DSCAML1: variants seen among roughly 807,000 people sequenced by gnomAD.
DSCAML1 encodes the protein DS cell adhesion molecule like 1.
In DSCAML1, 38 loss-of-function variants were observed where a neutral mutation model predicts 200.5. The observed-to-expected ratio is 0.19, with a 90% CI of 0.15 to 0.25. The LOEUF (loss-of-function observed/expected upper bound fraction) is 0.25. Among genes scored for constraint, DSCAML1 ranks in the 10% least tolerant of loss-of-function variants. The pLI is 1.00. For missense variants in DSCAML1, 2,223 were observed against 2,858.8 expected, an observed-to-expected ratio of 0.78 and a Z score of 5.07; for synonymous variants, 1,215 against 1,165.0, an observed-to-expected ratio of 1.04 and a Z score of -0.87.
chr11:117,619,376 G>A (rs2051879137), intron 3 of DSCAML1, among the ~76,000 whole-genome samples: 1 of 152,258 alleles, frequency 6.6e-6, no homozygotes, highest in African/African-American at 2.4e-5. Context: ...GGTCAGGAGG[G>A]CCTGGCCTCA....
intron 3 of DSCAML1, among the ~76,000 whole-genome samples, chr11:117,546,517 C>T (rs1318942312): frequency 6.6e-6 from 1 of 152,188 alleles, no homozygotes; most frequent in Non-Finnish European, 1.5e-5. Context: ...CCATTCCCAC[C>T]AACTCCTAAC....
chr11:117,477,656 C>T (rs958928369), intron 14 of DSCAML1, among the ~76,000 whole-genome samples: 2 of 152,152 alleles, frequency 1.3e-5, no homozygotes, highest in Non-Finnish European at 2.9e-5. Flanking sequence ...GCTCTAGCCC[C>T]GTGCTATCAT....
chr11:117,590,569 G>A (rs1177790757), intron 3 of DSCAML1, among the ~76,000 whole-genome samples: 1 of 152,164 alleles, frequency 6.6e-6, no homozygotes, highest in African/African-American at 2.4e-5. Flanking sequence ...CCTTCCAGGG[G>A]TCTGCAATAC....
chr11:117,540,412 C>T (rs1478548677), intron 3 of DSCAML1, among the ~76,000 whole-genome samples: 2 of 152,140 alleles, frequency 1.3e-5, no homozygotes, highest in African/African-American at 2.4e-5. Context: ...ACCCCTGTCC[C>T]GTGGAAATAT....
intron 3 of DSCAML1, among the ~76,000 whole-genome samples, chr11:117,673,792 T>G (rs2053157925): frequency 6.6e-6 from 1 of 152,230 alleles, no homozygotes; most frequent in African/African-American, 2.4e-5. Context: ...ACAATCAGCC[T>G]TTATTAACTA....
chr11:117,495,805 A>G (rs2049279133), intron 11 of DSCAML1, among the ~76,000 whole-genome samples: 1 of 152,114 alleles, frequency 6.6e-6, no homozygotes, highest in Admixed American at 6.5e-5. Context: ...TGTCCCATTC[A>G]TCAAAGCCTG....
intron 3 of DSCAML1, among the ~76,000 whole-genome samples, chr11:117,675,204 G>T (rs549861592): frequency 1.1e-4 from 17 of 152,314 alleles, no homozygotes; most frequent in Non-Finnish European, 2.1e-4. Context: ...TCTACTCAGG[G>T]ATAGTCTATT....
rs2048640076 is a variant in DSCAML1 at position 117,469,262 on chromosome 11, G to A, written c.3024+648C>T. Among the ~76,000 whole-genome samples the A allele has an allele frequency of 2.0e-5, 3 of 152,200 alleles. No individual in the cohort carries two copies. The highest frequency in any genetic ancestry group is 2.0e-4 in the Admixed American group (3 of 15,288). ...ACTGGAGGATGCAGTGAGACAGGAA[G>A]CCCCTGGATTGCCAGCCCTTCTATG... On this transcript the variant is annotated intron_variant, in intron 16 of 32. Coordinates refer to ENST00000651296, the MANE Select transcript of DSCAML1 (RefSeq NM_020693.4). This position sits in a 1 kb window ranked among gnomAD's most constrained non-coding sequence, Gnocchi z 4.1.
At chr11:117,672,137 G>A (rs183935902) in intron 3 of DSCAML1, among the ~76,000 whole-genome samples, 1 of 139,036 alleles carries the variant, frequency 7.2e-6, no homozygotes, top group African/African-American at 2.9e-5. Flanking sequence ...GAAACCTTGG[G>A]CCTCATCCAG....
rs756480140 is a variant in DSCAML1 at position 117,438,863 on chromosome 11, C to T, written c.4243+22G>A. 30 of 1,533,836 alleles carry T rather than the reference C, an allele frequency of 2.0e-5. No individual in the cohort carries two copies. In the East Asian group the frequency reaches 4.2e-4, roughly 22 times the overall value. ...CCAGAATTCCTTCCCCTATCTTCCC[C>T]CGCATCCAGACCCCTCCTCACCTCG... On this transcript the variant is annotated intron_variant, in intron 24 of 32. Coordinates refer to ENST00000651296, the MANE Select transcript of DSCAML1 (RefSeq NM_020693.4).
In DSCAML1 at chr11:117,776,783, C is replaced by T. The variant is rs753747393; in HGVS notation, c.511+8G>A. 9 of 1,613,998 alleles carry T rather than the reference C, an allele frequency of 5.6e-6. No individual in the cohort carries two copies. Among genetic ancestry groups the T allele is most frequent in the South Asian group, 4.4e-5 (4 of 91,072 alleles). ...CTCTGTCTGCCGCAGCCCCGGGACG[C>T]TTCTTACCTGGGATGATGGAGACTG... On this transcript the variant is annotated splice_region_variant and intron_variant, in intron 3 of 32. Coordinates refer to ENST00000651296, the MANE Select transcript of DSCAML1 (RefSeq NM_020693.4).
At chr11:117,771,750 G>A (rs577380543) in intron 3 of DSCAML1, among the ~76,000 whole-genome samples, 2 of 152,204 alleles carry the variant, frequency 1.3e-5, no homozygotes, top group African/African-American at 4.8e-5. Context: ...TATAAAATGA[G>A]AAAATAAAAA....
intron 3 of DSCAML1, among the ~76,000 whole-genome samples, chr11:117,764,995 T>A (rs1252791066): frequency 2.0e-5 from 3 of 152,220 alleles, no homozygotes; most frequent in Admixed American, 1.3e-4. Flanking sequence ...CCTTCTCCCA[T>A]TCCGTTGTCT....
intron 20 of DSCAML1, among the ~76,000 whole-genome samples, chr11:117,449,950 C>A (rs1278286835): frequency 6.6e-6 from 1 of 152,202 alleles, no homozygotes; most frequent in Non-Finnish European, 1.5e-5. Context: ...GGGCGGCTAG[C>A]CCCTTGCCCT....
chr11:117,572,682 G>A (rs927612644), intron 3 of DSCAML1, among the ~76,000 whole-genome samples: 2 of 152,202 alleles, frequency 1.3e-5, no homozygotes, highest in African/African-American at 2.4e-5. Flanking sequence ...GCGGGGATAT[G>A]CTATGCAAAG....
chr11:117,523,409 G>C (rs968416285), intron 5 of DSCAML1, among the ~76,000 whole-genome samples: 2 of 152,192 alleles, frequency 1.3e-5, no homozygotes, highest in African/African-American at 4.8e-5. Context: ...TGTCTGCTCT[G>C]CTGTCCAGGG....
At chr11:117,441,498 A>G (rs571054253) in intron 21 of DSCAML1, among the ~76,000 whole-genome samples, 1 of 151,418 alleles carries the variant, frequency 6.6e-6, no homozygotes, top group South Asian at 2.1e-4. Flanking sequence ...GTGGCGGAGG[A>G]CTGGGTCAGC....
At chr11:117,477,657 G>A (rs949161690) in intron 14 of DSCAML1, among the ~76,000 whole-genome samples, 1 of 152,168 alleles carries the variant, frequency 6.6e-6, no homozygotes, top group Non-Finnish European at 1.5e-5. Context: ...CTCTAGCCCC[G>A]TGCTATCATA....
chr11:117,810,416 C>A (rs2055751542), intron 1 of DSCAML1, among the ~76,000 whole-genome samples: 2 of 152,120 alleles, frequency 1.3e-5, no homozygotes, highest in African/African-American at 2.4e-5. Context: ...TATTTCCGCA[C>A]CCCGACCTCT....
Sources: allele counts gnomAD v4.1 joint callset (sites outside exome capture counted in the v4.1 genomes callset), GRCh38; gene constraint gnomAD v4.1.1; non-coding constraint Gnocchi (gnomAD v3.1); transcripts MANE v1.5; gene names NCBI Gene and HGNC (gene_info 2026-07-23, HGNC 2026-07-21).